The following CACNA2D3 variants were observed in gnomAD, a reference collection of about 807,000 sequenced individuals.
CACNA2D3 encodes the protein calcium voltage-gated channel auxiliary subunit alpha2delta 3.
CACNA2D3 carries 60 observed loss-of-function variants against 160.6 expected under a neutral mutation model. The observed-to-expected ratio is 0.37, with a 90% CI of 0.30 to 0.46. The LOEUF (loss-of-function observed/expected upper bound fraction) is 0.46, where lower values mean the gene tolerates loss of function less well. Ranked by LOEUF, CACNA2D3 falls within the 20% of genes least tolerant of loss-of-function variation. The probability of loss-of-function intolerance (pLI) is 1.00; values close to 1 mark genes in which losing one functional copy is unlikely to be tolerated. For synonymous variants in CACNA2D3, 558 were observed against 492.9 expected, an observed-to-expected ratio of 1.13 and a Z score of -1.75; for missense variants, 1,205 against 1,365.0, an observed-to-expected ratio of 0.88 and a Z score of 1.85.
chr3:54,803,718 C>T (rs1237782518), intron 13 of CACNA2D3, among the ~76,000 whole-genome samples: 1 of 152,128 alleles, frequency 6.6e-6, no homozygotes, highest in African/African-American at 2.4e-5. Flanking sequence ...CACAAAGATA[C>T]TCCTTGAGAA....
intron 2 of CACNA2D3, among the ~76,000 whole-genome samples, chr3:54,205,250 A>G (rs900309618): frequency 6.6e-6 from 1 of 152,022 alleles, no homozygotes; most frequent in Non-Finnish European, 1.5e-5. Flanking sequence ...GTAATGGGGG[A>G]TGGGATTTTT....
In CACNA2D3 at chr3:55,016,749, C is replaced by T. The variant is rs150369229; in HGVS notation, c.2876-1457C>T. On this transcript the variant is annotated intron_variant, in intron 34 of 37. Coordinates refer to ENST00000474759, the MANE Select transcript of CACNA2D3 (RefSeq NM_018398.3). ...AAAAGAGCTGATGACGAGTCTACTT[C>T]CTTTTGTTTTAAATAACAAAGATTA... 2.4e-4 allele frequency among the ~76,000 whole-genome samples: 36 copies of T among 152,330 alleles called. No individual in the cohort carries two copies. In the East Asian group the frequency reaches 6.7e-3, roughly 29 times the overall value.
chr3:54,872,671 T>G (rs895665973), intron 18 of CACNA2D3, among the ~76,000 whole-genome samples: 6 of 152,212 alleles, frequency 3.9e-5, no homozygotes, highest in Non-Finnish European at 7.3e-5. Flanking sequence ...AAATCTCTCA[T>G]TTTCATCCTT....
At chr3:55,013,796 CA>C (rs1703263439) in intron 34 of CACNA2D3, among the ~76,000 whole-genome samples, 1 of 152,120 alleles carries the variant, frequency 6.6e-6, no homozygotes, top group Non-Finnish European at 1.5e-5. Context: ...TTCACAGAAA[CA>C]AAAGAAGAGG....
intron 4 of CACNA2D3, among the ~76,000 whole-genome samples, chr3:54,447,610 A>G (rs1700243163): frequency 6.6e-6 from 1 of 152,214 alleles, no homozygotes; most frequent in African/African-American, 2.4e-5. Context: ...TGGCAGGAGG[A>G]CAGTCATCTG....
chr3:54,978,602 A>G (rs1039375814), intron 29 of CACNA2D3, among the ~76,000 whole-genome samples: 2 of 152,258 alleles, frequency 1.3e-5, no homozygotes, highest in East Asian at 3.8e-4. Flanking sequence ...CCAAAACAGT[A>G]AAACAAAATA....
intron 4 of CACNA2D3, among the ~76,000 whole-genome samples, chr3:54,447,676 A>G (rs779896935): frequency 1.1e-4 from 17 of 152,176 alleles, no homozygotes; most frequent in Non-Finnish European, 1.9e-4. Context: ...CCACAGTTAC[A>G]CGTCAAAGCA....
chr3:55,006,525 G>T (rs1327338301), intron 32 of CACNA2D3, among the ~76,000 whole-genome samples: 1 of 152,180 alleles, frequency 6.6e-6, no homozygotes, highest in Non-Finnish European at 1.5e-5. Context: ...CAAAACCGCA[G>T]GACTGCAAAG....
intron 15 of CACNA2D3, among the ~76,000 whole-genome samples, chr3:54,838,018 T>G (rs950992358): frequency 6.6e-6 from 1 of 152,216 alleles, no homozygotes; most frequent in African/African-American, 2.4e-5. Context: ...CTGAAAAGTT[T>G]TAGCAAATCA....
Position 54,122,663 on chromosome 3 carries a change from C to T in CACNA2D3, c.-51C>T, listed in dbSNP as rs1456850680. The T allele has an allele frequency of 2.0e-6, 2 of 1,015,904 alleles. No individual in the cohort carries two copies. The highest frequency in any genetic ancestry group is 5.9e-5 in the Admixed American group (1 of 16,874). 62.9% of individuals were successfully genotyped at this position (1,015,904 alleles called of 1,614,324 possible). A position where few individuals can be genotyped will look rare whatever the true frequency, so the allele number is the denominator to read the frequency against. On this transcript the variant is annotated 5_prime_UTR_variant, in exon 1 of 38. Coordinates refer to ENST00000474759, the MANE Select transcript of CACNA2D3 (RefSeq NM_018398.3). ...CCCACCGCCCGCTCCGCGCAGCTCC[C>T]CGCGGCCGCTCTCGTCGCCGCCGCA...
rs2307878 is a variant in CACNA2D3, at chr3:55,074,532, T to TTAAATAAA, written c.*327_*334dup. The TTAAATAAA allele has an allele frequency of 4.7e-6, 1 of 212,528 alleles. No individual in the cohort carries two copies. Among genetic ancestry groups the TTAAATAAA allele is most frequent in the Non-Finnish European group, 9.4e-6 (1 of 106,118 alleles). The allele number at this position is 212,528 out of a possible 1,614,324, so 13.2% of individuals were successfully genotyped here. A position where few individuals can be genotyped will look rare whatever the true frequency, so the allele number is the denominator to read the frequency against. On this transcript the variant is annotated 3_prime_UTR_variant, in exon 38 of 38. Coordinates refer to ENST00000474759, the MANE Select transcript of CACNA2D3 (RefSeq NM_018398.3). ...AAACCAATTTAAAACTGTGTACTTT[T>TTAAATAAA]TAAATAAAGTATATTAAAATCATAA...
chr3:54,876,222 G>C (rs1699654658), intron 18 of CACNA2D3: 1 of 152,210 alleles, frequency 6.6e-6, no homozygotes. Flanking sequence ...ACTTTGGCCT[G>C]TGCTTAGGAC....
At chr3:54,538,926 A>G (rs1377615320) in intron 5 of CACNA2D3, among the ~76,000 whole-genome samples, 1 of 152,206 alleles carries the variant, frequency 6.6e-6, no homozygotes, top group Non-Finnish European at 1.5e-5. Flanking sequence ...TGTCAATAAA[A>G]TGTGGTCAAG....
At chr3:54,503,447 CTCT>C in intron 4 of CACNA2D3, 42 bp from the exon 5 acceptor site, 1 of 1,594,844 alleles carries the variant, frequency 6.3e-7, no homozygotes, top group Non-Finnish European at 8.6e-7. Context: ...GTTCACAGCC[CTCT>C]TCCCTAAGCC....
intron 2 of CACNA2D3, among the ~76,000 whole-genome samples, chr3:54,162,036 C>G (rs188533853): frequency 5.5e-4 from 83 of 152,258 alleles, no homozygotes; most frequent in Non-Finnish European, 8.8e-4. Flanking sequence ...TTCCCCAGAA[C>G]TTGTTTGAGA....
intron 2 of CACNA2D3, among the ~76,000 whole-genome samples, chr3:54,220,341 A>G (rs937983823): frequency 6.6e-6 from 1 of 152,192 alleles, no homozygotes; most frequent in Non-Finnish European, 1.5e-5. Context: ...TTCCCTGTAT[A>G]TAGAAAGTTT....
Position 54,879,052 on chromosome 3 carries a change from A to C in CACNA2D3, c.1745A>C (p.Lys582Thr). 3 of 1,606,458 alleles carry C rather than the reference A, an allele frequency of 1.9e-6. No homozygotes were observed. Among genetic ancestry groups the C allele is most frequent in the Non-Finnish European group, 2.5e-6 (3 of 1,177,324 alleles). The change falls in exon 19 of 38, where the codon AAG becomes ACG. Residue 582 changes from lysine (K) to threonine (T), a missense_variant. Physicochemically the swap from Lys to Thr is moderately conservative, Grantham distance 78. Around this residue, in one of 3 missense-constraint regions of CACNA2D3, gnomAD observed 911 missense variants for 1,002.2 expected, o/e 0.91. Coordinates refer to ENST00000474759, the MANE Select transcript of CACNA2D3 (RefSeq NM_018398.3). ...RNAMVNRKTG[K>T]FSMEVKKTVD... ...GCTATGGTGAATCGAAAGACGGGGAAGTTTTCCATGGAGGTGAAGAAGACA... is the reference window on the plus strand; with the variant it reads ...GCTATGGTGAATCGAAAGACGGGGACGTTTTCCATGGAGGTGAAGAAGACA...
At chr3:54,616,462 T>C (rs1007117296) in intron 9 of CACNA2D3, among the ~76,000 whole-genome samples, 3 of 152,220 alleles carry the variant, frequency 2.0e-5, no homozygotes, top group Non-Finnish European at 4.4e-5. Flanking sequence ...GCCATAGTGT[T>C]ACTTACAACC....
At chr3:55,038,965 G>T (rs899949997) in intron 35 of CACNA2D3, among the ~76,000 whole-genome samples, 1 of 149,486 alleles carries the variant, frequency 6.7e-6, no homozygotes, top group Non-Finnish European at 1.5e-5. Context: ...CTGGGAGGTT[G>T]GGGGGATGGA....
Sources: allele counts gnomAD v4.1 joint callset (sites outside exome capture counted in the v4.1 genomes callset), GRCh38; gene constraint gnomAD v4.1.1; regional missense constraint gnomAD v4.1.1; transcripts MANE v1.5; gene names NCBI Gene and HGNC (gene_info 2026-07-23, HGNC 2026-07-21).